ATF2: variants seen among roughly 807,000 people sequenced by gnomAD.
ATF2 encodes activating transcription factor 2, also known as cyclic AMP-dependent transcription factor ATF-2.
Under a neutral mutation model 60.6 loss-of-function variants are expected in ATF2, and 24 were observed. That is an observed-to-expected ratio of 0.40 (90% CI 0.29 to 0.56). ATF2 has a LOEUF of 0.56. Among genes scored for constraint, ATF2 ranks in the 20% least tolerant of loss-of-function variants. The probability of loss-of-function intolerance (pLI) is 0.54; values close to 1 mark genes in which losing one functional copy is unlikely to be tolerated. For missense variants in ATF2, 433 were observed against 607.7 expected, an observed-to-expected ratio of 0.71 and a Z score of 3.02; for synonymous variants, 206 against 215.4, an observed-to-expected ratio of 0.96 and a Z score of 0.38.
chr2:175,081,626 C>T (rs1488175110), intron 12 of ATF2, among the ~76,000 whole-genome samples: 1 of 152,164 alleles, frequency 6.6e-6, no homozygotes, highest in Non-Finnish European at 1.5e-5. Context: ...CTTGGACTCA[C>T]ACAGTAACTA....
intron 11 of ATF2, among the ~76,000 whole-genome samples, chr2:175,094,419 A>AAAAAAAAAAAAAAAG: frequency 7.2e-6 from 1 of 138,568 alleles, no homozygotes; most frequent in South Asian, 2.2e-4. Flanking sequence ...AAAAAAAAAA[A>AAAAAAAAAAAAAAAG]AAAAAAAAAA....
At position 175,094,213 on chromosome 2, in the gene ATF2, T is replaced by C. The variant is rs145416873; in HGVS notation, c.979-946A>G. Among the ~76,000 whole-genome samples the C allele has an allele frequency of 2.3e-3, 355 of 151,494 alleles. 13 individuals are homozygous for C. The East Asian group carries it at 0.065, about 28-fold the overall frequency. Reference sequence around the variant, plus strand: ...TTCGAGACCAGCCTGGCCAACATGGTGAAAACCAGTCTCTATTAAAATACA... The same window carrying C: ...TTCGAGACCAGCCTGGCCAACATGGCGAAAACCAGTCTCTATTAAAATACA... On this transcript the variant is annotated intron_variant, in intron 11 of 13. Coordinates refer to ENST00000264110, the MANE Select transcript of ATF2 (RefSeq NM_001880.4).
At chr2:175,120,720 T>C (rs1008698536) in intron 5 of ATF2, among the ~76,000 whole-genome samples, 17 of 151,704 alleles carry the variant, frequency 1.1e-4, no homozygotes, top group Middle Eastern at 3.2e-3. Flanking sequence ...TTTATCATAA[T>C]ACTTATAAAA....
chr2:175,158,452 A>G (rs1489722129), intron 1 of ATF2, among the ~76,000 whole-genome samples: 1 of 151,868 alleles, frequency 6.6e-6, no homozygotes, highest in Non-Finnish European at 1.5e-5. Context: ...GAATTCCTTG[A>G]GCTCAAACTC....
chr2:175,135,727 ATC>A (rs765358225), intron 3 of ATF2, among the ~76,000 whole-genome samples: 42 of 152,212 alleles, frequency 2.8e-4, no homozygotes, highest in Non-Finnish European at 4.9e-4. Context: ...GCAAAAAGAC[ATC>A]TCTGAGTCAG....
Position 175,097,570 on chromosome 2 carries a change from C to G in ATF2, c.852G>C (p.Gln284His), listed in dbSNP as rs1695017055. Residue 284 changes from glutamine to histidine, a missense_variant, in exon 11 of 14, where the codon CAG (glutamine) becomes CAC (histidine). By Grantham distance (24) the Gln-to-His change is conservative. Transcript: ENST00000264110. Reference protein sequence around the residue: ...AKMRLKAALTQQHPPVTNGDT... With the variant: ...AKMRLKAALTHQHPPVTNGDT... ...CACCATTGGTAACTGGAGGATGTTG[C>G]TGGGTCAAAGCAGCTTTTAATCTCT... 6.2e-7 allele frequency: 1 copy of G among 1,613,912 alleles called. No individual in the cohort carries two copies. The highest frequency in any genetic ancestry group is 8.5e-7 in the Non-Finnish European group (1 of 1,179,966).
At chr2:175,107,685 C>A (rs1349114263) in intron 10 of ATF2, among the ~76,000 whole-genome samples, 1 of 152,058 alleles carries the variant, frequency 6.6e-6, no homozygotes, top group African/African-American at 2.4e-5. Flanking sequence ...CCTGCCACAG[C>A]AGGCCGAGTG....
rs1451684943 is a variant in ATF2, at chr2:175,142,716, A to AGTGTGTGTGTGT, written c.-43-6231_-43-6230insACACACACACAC. 3.3e-5 allele frequency among the ~76,000 whole-genome samples: 4 copies of AGTGTGTGTGTGT among 120,724 alleles called. No individual in the cohort carries two copies. The East Asian group carries it at 8.0e-4, about 24-fold the overall frequency. 79.2% of individuals were successfully genotyped at this position (120,724 alleles called of 152,430 possible). A position where few individuals can be genotyped will look rare whatever the true frequency, so the allele number is the denominator to read the frequency against. ...GAGAGAGAGAGAGAGAGAGAGAGAG[A>AGTGTGTGTGTGT]GAGAGTGTGTGTGTGTGTGTGTGTG... On this transcript the variant is annotated intron_variant, in intron 2 of 13. Coordinates refer to ENST00000264110, the MANE Select transcript of ATF2 (RefSeq NM_001880.4).
intron 7 of ATF2, among the ~76,000 whole-genome samples, chr2:175,115,336 T>C (rs1249192397): frequency 1.3e-5 from 2 of 152,130 alleles, no homozygotes; most frequent in Admixed American, 6.5e-5. Flanking sequence ...TTTAGAGCAA[T>C]ACAAATAATT....
intron 1 of ATF2, among the ~76,000 whole-genome samples, chr2:175,154,730 T>C (rs1338644619): frequency 6.6e-6 from 1 of 152,228 alleles, no homozygotes; most frequent in Non-Finnish European, 1.5e-5. Context: ...ATCTTATATG[T>C]GGTCTGCTGA....
At chr2:175,104,813 G>A (rs970100881) in intron 10 of ATF2, among the ~76,000 whole-genome samples, 4 of 139,470 alleles carry the variant, frequency 2.9e-5, no homozygotes, top group African/African-American at 5.9e-5. Context: ...GGTATTTTAC[G>A]TTCTACAAGT....
intron 12 of ATF2, among the ~76,000 whole-genome samples, chr2:175,081,376 T>G (rs975280850): frequency 2.6e-5 from 4 of 152,218 alleles, no homozygotes; most frequent in African/African-American, 9.6e-5. Context: ...TAAATTTAAA[T>G]CTGCTAAGTC....
chr2:175,127,428 C>T (rs1697412484), intron 4 of ATF2, among the ~76,000 whole-genome samples: 1 of 152,090 alleles, frequency 6.6e-6, no homozygotes, highest in Admixed American at 6.6e-5. Flanking sequence ...GCCTATTTCT[C>T]TCTCTGTGTC....
chr2:175,146,279 C>T (rs886493707), intron 2 of ATF2, among the ~76,000 whole-genome samples: 1 of 152,144 alleles, frequency 6.6e-6, no homozygotes, highest in Non-Finnish European at 1.5e-5. Context: ...TTTTAAAAGA[C>T]CAATGCGACA....
rs187021757 is a variant in ATF2, at chr2:175,116,259, G to C, written c.448-1391C>G. Among the ~76,000 whole-genome samples the C allele has an allele frequency of 3.9e-5, 6 of 152,198 alleles. No homozygotes were observed. In the East Asian group the frequency reaches 1.2e-3, roughly 29 times the overall value. On this transcript the variant is annotated intron_variant, in intron 7 of 13. Coordinates refer to ENST00000264110, the MANE Select transcript of ATF2 (RefSeq NM_001880.4). Reference sequence around the variant, plus strand: ...TCCAAACAAAAGATGATGATGGTTTGGGCTTACGTGGTGTCACTGAACACA... The same window carrying C: ...TCCAAACAAAAGATGATGATGGTTTCGGCTTACGTGGTGTCACTGAACACA...
chr2:175,098,307 G>T (rs913728165), intron 10 of ATF2, among the ~76,000 whole-genome samples: 3 of 152,146 alleles, frequency 2.0e-5, no homozygotes, highest in African/African-American at 7.2e-5. Flanking sequence ...GAAATAATTT[G>T]CACAGATAAT....
chr2:175,073,157 T>C lies in ATF2; in HGVS notation c.*1452A>G, dbSNP rs189549380. 6.6e-6 allele frequency: 1 copy of C among 152,314 alleles called. No individual in the cohort carries two copies. The highest frequency in any genetic ancestry group is 1.9e-4 in the East Asian group (1 of 5,180). 9.4% of individuals were successfully genotyped at this position (152,314 alleles called of 1,614,324 possible). ...ACAAAGTTTTCTTACGCACATCTAC[T>C]ACTTTTAAAATTTTATGTTTAACAA... On this transcript the variant is annotated 3_prime_UTR_variant, in exon 14 of 14. Coordinates refer to ENST00000264110, the MANE Select transcript of ATF2 (RefSeq NM_001880.4).
intron 10 of ATF2, 55 bp from the exon 11 acceptor site, chr2:175,097,648 A>G: frequency 1.3e-6 from 2 of 1,585,784 alleles, no homozygotes; most frequent in Non-Finnish European, 1.7e-6. Flanking sequence ...ATCATCATGA[A>G]TATCAACAAG....
At chr2:175,105,289 C>T (rs531094906) in intron 10 of ATF2, among the ~76,000 whole-genome samples, 1 of 150,066 alleles carries the variant, frequency 6.7e-6, no homozygotes, top group South Asian at 2.1e-4. Flanking sequence ...GTACAAGTCA[C>T]CATCAAGGGC....
Sources: allele counts gnomAD v4.1 joint callset (sites outside exome capture counted in the v4.1 genomes callset), GRCh38; gene constraint gnomAD v4.1.1; transcripts MANE v1.5; gene names NCBI Gene and HGNC (gene_info 2026-07-23, HGNC 2026-07-21).